MCC: variants seen among roughly 807,000 people sequenced by gnomAD.
MCC encodes MCC regulator of Wnt signaling pathway.
In MCC, 90 loss-of-function variants were observed where a neutral mutation model predicts 116.2. That is an observed-to-expected ratio of 0.77 (90% CI 0.65 to 0.92). MCC has a LOEUF of 0.92. Among genes scored for constraint, MCC ranks in the 40% least tolerant of loss-of-function variants. The pLI is 0.00. For synonymous variants in MCC, 578 were observed against 510.5 expected (o/e 1.13, Z -1.78); for missense variants, 1,516 against 1,312.2 (o/e 1.16, Z -2.40).
intron 2 of MCC, among the ~76,000 whole-genome samples, chr5:113,350,585 C>A (rs1231909635): frequency 6.6e-6 from 1 of 151,960 alleles, no homozygotes; most frequent in East Asian, 1.9e-4. Context: ...GAAACTATAA[C>A]AAGAAAACTT....
chr5:113,349,086 G>A (rs1159330542), intron 2 of MCC, among the ~76,000 whole-genome samples: 1 of 151,874 alleles, frequency 6.6e-6, no homozygotes, highest in African/African-American at 2.4e-5. Flanking sequence ...AAGAAATGCT[G>A]GGACCCAATG....
intron 3 of MCC, among the ~76,000 whole-genome samples, chr5:113,314,479 C>G (rs1370515912): frequency 6.6e-6 from 1 of 152,226 alleles, no homozygotes; most frequent in African/African-American, 2.4e-5. Context: ...CAACTCCACA[C>G]AGTATAGAGC....
At chr5:113,227,946 AG>A (rs1763806730) in intron 3 of MCC, among the ~76,000 whole-genome samples, 2 of 152,202 alleles carry the variant, frequency 1.3e-5, no homozygotes, top group African/African-American at 4.8e-5. Flanking sequence ...GCATCCTTCT[AG>A]TTAACGGCTG....
At chr5:113,085,435 G>T in intron 8 of MCC, 125 bp from the exon 9 acceptor site, 2 of 866,686 alleles carry the variant, frequency 2.3e-6, no homozygotes, top group Non-Finnish European at 3.6e-6. Context: ...AGCTAGGTTG[G>T]TTGAGTCCAC....
intron 8 of MCC, among the ~76,000 whole-genome samples, chr5:113,096,380 A>T (rs973427070): frequency 1.3e-5 from 2 of 152,172 alleles, no homozygotes; most frequent in Non-Finnish European, 2.9e-5. Flanking sequence ...TGGCTCATGG[A>T]AAGGCCTGGG....
rs532792062 is a variant in MCC, at chr5:113,456,274, C to G, written c.170+31971G>C. ...CCCAGGAGATCACACAGCTATGACACCAGTCAGACTCTACCAGGGGAAATT... is the reference window on the plus strand; with the variant it reads ...CCCAGGAGATCACACAGCTATGACAGCAGTCAGACTCTACCAGGGGAAATT... On this transcript the variant is annotated intron_variant, in intron 1 of 18. Transcript: ENST00000408903. 1.1e-4 allele frequency among the ~76,000 whole-genome samples: 17 copies of G among 152,248 alleles called. 1 individual carries two copies. In the South Asian group the frequency reaches 3.3e-3, roughly 30 times the overall value.
chr5:113,177,283 C>T (rs1761385255), intron 3 of MCC, among the ~76,000 whole-genome samples: 1 of 152,190 alleles, frequency 6.6e-6, no homozygotes, highest in Non-Finnish European at 1.5e-5. Context: ...TGGTTTCCAA[C>T]AGCTAGCACT....
chr5:113,153,321 G>A (rs772388309), intron 3 of MCC, among the ~76,000 whole-genome samples: 14 of 152,146 alleles, frequency 9.2e-5, no homozygotes, highest in Non-Finnish European at 2.1e-4. Flanking sequence ...GGTTGGGGGA[G>A]GCCTGGAGGG....
At chr5:113,401,079 G>C (rs1306692040) in intron 1 of MCC, among the ~76,000 whole-genome samples, 1 of 152,126 alleles carries the variant, frequency 6.6e-6, no homozygotes, top group African/African-American at 2.4e-5. Flanking sequence ...AATTATTTGG[G>C]AAATGAACCA....
At chr5:113,419,596 C>T (rs1770258995) in intron 1 of MCC, among the ~76,000 whole-genome samples, 1 of 151,788 alleles carries the variant, frequency 6.6e-6, no homozygotes, top group Non-Finnish European at 1.5e-5. Flanking sequence ...TGGTGAAATA[C>T]AATAGCAAAG....
chr5:113,182,714 T>C (rs1352965756), intron 3 of MCC, among the ~76,000 whole-genome samples: 2 of 152,262 alleles, frequency 1.3e-5, no homozygotes, highest in Admixed American at 1.3e-4. Flanking sequence ...TGCATTTACA[T>C]GCCAGTCTTC....
chr5:113,378,283 CT>C (rs961339015), intron 2 of MCC, among the ~76,000 whole-genome samples: 21 of 151,922 alleles, frequency 1.4e-4, no homozygotes, highest in African/African-American at 3.1e-4. Context: ...TTAGAGAAAA[CT>C]TTTTTTTACT....
intron 17 of MCC, among the ~76,000 whole-genome samples, chr5:113,032,333 G>A (rs1751009699): frequency 6.6e-6 from 1 of 151,670 alleles, no homozygotes; most frequent in Non-Finnish European, 1.5e-5. Context: ...GCTTGAACCT[G>A]GGAGGTGGAG....
chr5:113,139,746 A>T (rs138517538), intron 5 of MCC, among the ~76,000 whole-genome samples: 2 of 152,148 alleles, frequency 1.3e-5, no homozygotes, highest in South Asian at 4.2e-4. Context: ...TAGCAATCCC[A>T]TTACTGGGTA....
At chr5:113,134,668 T>C (rs1158443860) in intron 5 of MCC, among the ~76,000 whole-genome samples, 1 of 149,410 alleles carries the variant, frequency 6.7e-6, no homozygotes, top group South Asian at 2.2e-4. Flanking sequence ...ATTGACTCTA[T>C]AGATCACTTT....
chr5:113,215,531 G>T lies in MCC; in HGVS notation c.628-64109C>A, dbSNP rs1225719400. Among the ~76,000 whole-genome samples, 7 of 152,246 alleles carry T rather than the reference G, an allele frequency of 4.6e-5. 1 individual carries two copies. In the South Asian group the frequency reaches 1.0e-3, roughly 23 times the overall value. The stretch of plus-strand genomic sequence containing the variant: ...TATGAGGGCTTTTGCCCTCATGAAT[G>T]GGATTAAGGCTCTTATAAAAGACGG... On this transcript the variant is annotated intron_variant, in intron 3 of 18. Coordinates refer to ENST00000408903, the MANE Select transcript of MCC (RefSeq NM_001085377.2).
At chr5:113,252,445 G>A (rs1321868741) in intron 3 of MCC, among the ~76,000 whole-genome samples, 1 of 152,194 alleles carries the variant, frequency 6.6e-6, no homozygotes, top group Non-Finnish European at 1.5e-5. Context: ...AGGGATCTAG[G>A]TTGCAAGCTC....
intron 12 of MCC, 73 bp from the exon 13 acceptor site, chr5:113,068,256 T>C: frequency 8.6e-7 from 1 of 1,165,336 alleles, no homozygotes; most frequent in Non-Finnish European, 1.3e-6. Flanking sequence ...CCGGTTTCTG[T>C]GCAGGAGGCA....
Position 113,063,934 on chromosome 5 carries a change from A to G in MCC, c.2213+50T>C, listed in dbSNP as rs752540771. ...TCACTGCACACCAAGTCCAGTGAACAGATGCCATGTGGACACACGCCCACC... is the reference window on the plus strand; with the variant it reads ...TCACTGCACACCAAGTCCAGTGAACGGATGCCATGTGGACACACGCCCACC... On this transcript the variant is annotated intron_variant, in intron 14 of 18. Coordinates refer to ENST00000408903, the MANE Select transcript of MCC (RefSeq NM_001085377.2). The G allele has an allele frequency of 1.7e-5, 27 of 1,556,264 alleles. No individual in the cohort carries two copies. In the African/African-American group the frequency reaches 3.1e-4, roughly 18 times the overall value.
Sources: allele counts gnomAD v4.1 joint callset (sites outside exome capture counted in the v4.1 genomes callset), GRCh38; gene constraint gnomAD v4.1.1; transcripts MANE v1.5; gene names NCBI Gene and HGNC (gene_info 2026-07-23, HGNC 2026-07-21).